Variants in RSRC1 observed in about 807,000 individuals in gnomAD.
RSRC1 encodes the protein arginine and serine rich coiled-coil 1.
In RSRC1, 39 loss-of-function variants were observed where a neutral mutation model predicts 49.1. The observed-to-expected ratio is 0.79, with a 90% CI of 0.61 to 1.04. The LOEUF is 1.04. RSRC1 is among the 50% of genes least tolerant of loss of function. The pLI is 0.00. For missense variants in RSRC1, 388 were observed against 402.4 expected (o/e 0.96, Z 0.31); for synonymous variants, 143 against 130.8 (o/e 1.09, Z -0.63).
At chr3:158,285,455 A>T (rs1435143367) in intron 4 of RSRC1, among the ~76,000 whole-genome samples, 1 of 152,192 alleles carries the variant, frequency 6.6e-6, no homozygotes, top group Non-Finnish European at 1.5e-5. Flanking sequence ...CTTGATAGGG[A>T]TGGCATTGAA....
intron 6 of RSRC1, among the ~76,000 whole-genome samples, chr3:158,405,528 T>C (rs1218507290): frequency 2.0e-5 from 3 of 152,138 alleles, no homozygotes; most frequent in African/African-American, 7.2e-5. Flanking sequence ...GTTAAACAGT[T>C]TTTACTTTGG....
intron 3 of RSRC1, among the ~76,000 whole-genome samples, chr3:158,151,639 T>C (rs1448480877): frequency 6.6e-6 from 1 of 152,178 alleles, no homozygotes; most frequent in African/African-American, 2.4e-5. Context: ...AGGTGGTAGG[T>C]CCTGTGCTGC....
intron 6 of RSRC1, among the ~76,000 whole-genome samples, chr3:158,422,665 T>C (rs1477528488): frequency 6.6e-6 from 1 of 151,098 alleles, no homozygotes; most frequent in Non-Finnish European, 1.5e-5. Flanking sequence ...ACTTCCACAA[T>C]GGTTGAACTA....
intron 3 of RSRC1, among the ~76,000 whole-genome samples, chr3:158,129,452 A>G (rs200984478): frequency 6.6e-6 from 1 of 151,674 alleles, no homozygotes; most frequent in African/African-American, 2.4e-5. Flanking sequence ...CACCACGTCC[A>G]GCTAATTTTT....
chr3:158,128,631 A>G (rs1715790293), intron 3 of RSRC1, among the ~76,000 whole-genome samples: 1 of 152,222 alleles, frequency 6.6e-6, no homozygotes, highest in African/African-American at 2.4e-5. Flanking sequence ...CGAAAGCAGG[A>G]CATTAACATT....
intron 7 of RSRC1, among the ~76,000 whole-genome samples, chr3:158,535,742 A>G (rs1712680132): frequency 6.6e-6 from 1 of 151,488 alleles, no homozygotes; most frequent in African/African-American, 2.4e-5. Flanking sequence ...TTGAAGCATC[A>G]AAATAAGAAA....
At chr3:158,497,088 A>G (rs1739362652) in intron 7 of RSRC1, among the ~76,000 whole-genome samples, 1 of 152,140 alleles carries the variant, frequency 6.6e-6, no homozygotes, top group Admixed American at 6.5e-5. Flanking sequence ...TACCGTCTTA[A>G]CCATTTTAAG....
chr3:158,285,040 G>A (rs1726431007), intron 4 of RSRC1, among the ~76,000 whole-genome samples: 4 of 152,204 alleles, frequency 2.6e-5, no homozygotes, highest in Admixed American at 2.0e-4. Flanking sequence ...TGACGTTTAA[G>A]TCTTTAATCC....
At chr3:158,477,039 TAGG>T (rs752367192) in intron 7 of RSRC1, among the ~76,000 whole-genome samples, 1 of 152,104 alleles carries the variant, frequency 6.6e-6, no homozygotes, top group Admixed American at 6.6e-5. Context: ...GTGTTGGAAA[TAGG>T]AGAAAAACTA....
At chr3:158,144,376 C>G (rs1002723100) in intron 3 of RSRC1, among the ~76,000 whole-genome samples, 12 of 151,738 alleles carry the variant, frequency 7.9e-5, no homozygotes, top group African/African-American at 2.9e-4. Context: ...TGAGTGAGAA[C>G]ATGCAGTGTT....
chr3:158,240,197 C>T (rs1465942364), intron 4 of RSRC1, among the ~76,000 whole-genome samples: 4 of 152,036 alleles, frequency 2.6e-5, no homozygotes, highest in South Asian at 2.1e-4. Flanking sequence ...TTTTATCACT[C>T]ATATCTTTGT....
intron 6 of RSRC1, among the ~76,000 whole-genome samples, chr3:158,375,699 A>G (rs73017447): frequency 0.074 from 11,196 of 152,130 alleles, 1,425 homozygotes; most frequent in African/African-American, 0.26. Flanking sequence ...ATTTTTTTAT[A>G]ATGTGGATTT....
intron 5 of RSRC1, 34 bp from the exon 6 acceptor site, chr3:158,354,823 T>C (rs753006165): frequency 2.0e-6 from 3 of 1,512,526 alleles, no homozygotes; most frequent in African/African-American, 2.8e-5. Flanking sequence ...GTAAAAGTCT[T>C]GTATGGTTGA....
chr3:158,446,715 G>A (rs1350147679), intron 6 of RSRC1, among the ~76,000 whole-genome samples: 1 of 151,940 alleles, frequency 6.6e-6, no homozygotes, highest in East Asian at 1.9e-4. Flanking sequence ...TTAAATACCA[G>A]TTTTTCTTAT....
At chr3:158,183,398 A>T (rs1041440820) in intron 3 of RSRC1, among the ~76,000 whole-genome samples, 1 of 152,152 alleles carries the variant, frequency 6.6e-6, no homozygotes, top group African/African-American at 2.4e-5. Flanking sequence ...TTGTTTAAAA[A>T]AAGAAATGCC....
intron 1 of RSRC1, among the ~76,000 whole-genome samples, chr3:158,120,081 G>A (rs1480784958): frequency 6.6e-6 from 1 of 151,932 alleles, no homozygotes; most frequent in Non-Finnish European, 1.5e-5. Context: ...CGCCCGCCTC[G>A]GCCTCCCAAA....
chr3:158,264,945 A>G (rs535844728), intron 4 of RSRC1, among the ~76,000 whole-genome samples: 1 of 152,356 alleles, frequency 6.6e-6, no homozygotes, highest in South Asian at 2.1e-4. Flanking sequence ...CTTTACAGGC[A>G]TGTGCTAATT....
chr3:158,332,303 A>T (rs184939121), intron 5 of RSRC1, among the ~76,000 whole-genome samples: 342 of 152,308 alleles, frequency 2.2e-3, no homozygotes, highest in Admixed American at 3.5e-3. Context: ...TTTTGTGATT[A>T]TACTAATGTT....
Position 158,316,570 on chromosome 3 carries a change from G to A in RSRC1, c.531+18495G>A, listed in dbSNP as rs1041892475. 6.7e-5 allele frequency among the ~76,000 whole-genome samples: 10 copies of A among 148,436 alleles called. No individual in the cohort carries two copies. In the East Asian group the frequency reaches 1.6e-3, roughly 24 times the overall value. On this transcript the variant is annotated intron_variant, in intron 5 of 9. Coordinates refer to ENST00000611884, the MANE Select transcript of RSRC1 (RefSeq NM_001271838.2). ...CGCCATTCTCCTGCCTCAGCCTCCC[G>A]AGTAGCTGGGACTACAGGCGCCCGC...
Sources: allele counts gnomAD v4.1 joint callset (sites outside exome capture counted in the v4.1 genomes callset), GRCh38; gene constraint gnomAD v4.1.1; transcripts MANE v1.5; gene names NCBI Gene and HGNC (gene_info 2026-07-23, HGNC 2026-07-21).